Variants in SLC2A9 observed in about 807,000 individuals in gnomAD.
The protein encoded by SLC2A9 is solute carrier family 2 member 9, also known as solute carrier family 2, facilitated glucose transporter member 9.
A neutral mutation model predicts 50.6 loss-of-function variants in SLC2A9; 39 were observed. That is an observed-to-expected ratio of 0.77 (90% CI 0.60 to 1.01). The LOEUF is 1.01. Among genes scored for constraint, SLC2A9 ranks in the 50% least tolerant of loss-of-function variants. The pLI is 0.00. For missense variants in SLC2A9, 686 were observed against 677.6 expected (o/e 1.01, Z -0.14); for synonymous variants, 324 against 276.9 (o/e 1.17, Z -1.69).
chr4:9,875,696 A>G (rs536157509), intron 10 of SLC2A9, among the ~76,000 whole-genome samples: 4 of 152,302 alleles, frequency 2.6e-5, no homozygotes, highest in Non-Finnish European at 5.9e-5. Context: ...AACCGCTCTG[A>G]GTCTCAACTT....
intron 10 of SLC2A9, among the ~76,000 whole-genome samples, chr4:9,855,846 A>G (rs1730637732): frequency 6.6e-6 from 1 of 152,194 alleles, no homozygotes; most frequent in South Asian, 2.1e-4. Context: ...AAGCTGACAA[A>G]AACAAGCAAT....
intron 10 of SLC2A9, chr4:9,880,248 G>C (rs1019452036): frequency 1.0e-6 from 1 of 985,496 alleles, no homozygotes; most frequent in Non-Finnish European, 1.2e-6. Context: ...TTTAAATGAA[G>C]CTTCTAAACC....
At chr4:9,848,060 AGAG>A (rs1261639484) in intron 10 of SLC2A9, among the ~76,000 whole-genome samples, 2 of 152,172 alleles carry the variant, frequency 1.3e-5, no homozygotes, top group Non-Finnish European at 2.9e-5. Context: ...CCAGTGTTTC[AGAG>A]GAGTAGGATC....
At chr4:9,950,375 T>C (rs935154810) in intron 5 of SLC2A9, among the ~76,000 whole-genome samples, 4 of 152,308 alleles carry the variant, frequency 2.6e-5, no homozygotes, top group Non-Finnish European at 4.4e-5. Flanking sequence ...AGCACCCACA[T>C]AGAGCCCCCC....
intron 6 of SLC2A9, among the ~76,000 whole-genome samples, chr4:9,923,496 G>A (rs1317236682): frequency 6.6e-6 from 1 of 152,188 alleles, no homozygotes; most frequent in East Asian, 1.9e-4. Flanking sequence ...AGAAAGAGAG[G>A]AGAGGGATAA....
intron 2 of SLC2A9, among the ~76,000 whole-genome samples, chr4:10,008,343 G>A (rs1437686837): frequency 6.6e-6 from 1 of 152,230 alleles, no homozygotes; most frequent in Non-Finnish European, 1.5e-5. Flanking sequence ...AACGCCCCAG[G>A]CTGGAAAAGG....
chr4:9,825,733 T>G (rs1237218771), downstream of SLC2A9, among the ~76,000 whole-genome samples: 2 of 152,198 alleles, frequency 1.3e-5, no homozygotes, highest in Non-Finnish European at 1.5e-5. Flanking sequence ...GCCCTGAAGT[T>G]TTGAGCCCAT....
At chr4:9,784,657 A>G (rs974323909) in intron 3 of SLC2A9, among the ~76,000 whole-genome samples, 2 of 152,314 alleles carry the variant, frequency 1.3e-5, no homozygotes, top group African/African-American at 2.4e-5. Flanking sequence ...GCTGACTCCA[A>G]TCATTTTGTT....
chr4:9,860,348 A>G (rs1349540960), intron 10 of SLC2A9, among the ~76,000 whole-genome samples: 14 of 152,192 alleles, frequency 9.2e-5, no homozygotes, highest in Admixed American at 9.2e-4. Context: ...TGTCATCCTT[A>G]TGGATTCATG....
chr4:9,826,586 G>C lies in SLC2A9; in HGVS notation c.1434C>G (p.Thr478=), dbSNP rs750832782. ...TTGTAGCAAAGACTAGGAAACAGTA[G>C]GTGTCCAGACTTTTCTGTGGAAAGG... ...LFPFIQKSLD[T]YCFLVFATIC... The change falls in exon 12 of 12, where the codon ACC becomes ACG. Residue 478 remains threonine, a synonymous_variant. Coordinates refer to ENST00000264784, the MANE Select transcript of SLC2A9 (RefSeq NM_020041.3). 6.2e-7 allele frequency: 1 copy of C among 1,613,988 alleles called. No individual in the cohort carries two copies. Among genetic ancestry groups the C allele is most frequent in the East Asian group, 2.2e-5 (1 of 44,874 alleles).
chr4:9,935,824 T>G (rs1746966370), intron 6 of SLC2A9, among the ~76,000 whole-genome samples: 1 of 152,092 alleles, frequency 6.6e-6, no homozygotes, highest in Non-Finnish European at 1.5e-5. Context: ...CTTAACAGTT[T>G]CCATTCCACT....
At chr4:9,944,784 T>C (rs563512990) in intron 5 of SLC2A9, among the ~76,000 whole-genome samples, 2 of 152,308 alleles carry the variant, frequency 1.3e-5, no homozygotes, top group African/African-American at 4.8e-5. Context: ...CTGGAGATAT[T>C]AGCTGGCTGC....
chr4:9,782,741 G>T, intron 3 of SLC2A9: 1 of 1,614,004 alleles, frequency 6.2e-7, no homozygotes, highest in East Asian at 2.2e-5. Flanking sequence ...CTACATCCCC[G>T]TTGCCATCAT....
intron 8 of SLC2A9, among the ~76,000 whole-genome samples, chr4:9,905,306 T>G (rs1385215780): frequency 6.6e-6 from 1 of 152,238 alleles, no homozygotes; most frequent in African/African-American, 2.4e-5. Context: ...ACCTCCTCCA[T>G]TGGACTGTGA....
chr4:9,900,395 G>A (rs1338574833), intron 8 of SLC2A9, among the ~76,000 whole-genome samples: 1 of 152,186 alleles, frequency 6.6e-6, no homozygotes, highest in Non-Finnish European at 1.5e-5. Flanking sequence ...GTGAGCTGCA[G>A]GAACGGACTT....
At chr4:9,856,844 T>G (rs552665125) in intron 10 of SLC2A9, among the ~76,000 whole-genome samples, 17 of 152,310 alleles carry the variant, frequency 1.1e-4, no homozygotes, top group Admixed American at 7.8e-4. Context: ...GCCATTATCC[T>G]AAGTCAACTA....
chr4:10,038,506 CAAAAAA>C (rs35698968), intron 1 of SLC2A9, among the ~76,000 whole-genome samples: 12 of 49,442 alleles, frequency 2.4e-4, no homozygotes, highest in Non-Finnish European at 3.2e-4. Flanking sequence ...GACTCTGTCT[CAAAAAA>C]AAAAAAAAAA....
intron 10 of SLC2A9, among the ~76,000 whole-genome samples, chr4:9,865,788 C>T (rs889806414): frequency 6.6e-6 from 1 of 151,714 alleles, no homozygotes; most frequent in Non-Finnish European, 1.5e-5. Flanking sequence ...AGGGAGTGGG[C>T]AGGAGCTGGT....
chr4:10,033,621 T>G (rs1450733184), intron 1 of SLC2A9, among the ~76,000 whole-genome samples: 1 of 152,194 alleles, frequency 6.6e-6, no homozygotes, highest in Non-Finnish European at 1.5e-5. Flanking sequence ...TTGGTCCATG[T>G]CTAAGGGGCA....
Sources: gnomAD v4.1 joint callset for allele counts (sites outside exome capture counted in the v4.1 genomes callset) on GRCh38, gnomAD v4.1.1 for gene constraint, MANE v1.5 for transcripts, NCBI Gene and HGNC (gene_info 2026-07-23, HGNC 2026-07-21) for gene names.